RASEF: variants seen among roughly 807,000 people sequenced by gnomAD.
The protein encoded by RASEF is ras and EF-hand domain-containing protein.
A neutral mutation model predicts 90.1 loss-of-function variants in RASEF; 68 were observed. The observed-to-expected ratio is 0.75, with a 90% CI of 0.62 to 0.92. RASEF has a LOEUF of 0.92. Among genes scored for constraint, RASEF ranks in the 40% least tolerant of loss-of-function variants. RASEF has a pLI of 0.00. For missense variants in RASEF, 949 were observed against 937.2 expected (o/e 1.01, Z -0.16); for synonymous variants, 331 against 345.2 (o/e 0.96, Z 0.46).
rs574319668 is a variant in RASEF, at chr9:82,980,168, T to C, written c.*2509A>G. On this transcript the variant is annotated 3_prime_UTR_variant, in exon 17 of 17. Coordinates refer to ENST00000376447, the MANE Select transcript of RASEF (RefSeq NM_152573.4). ...GTATAACTATGATTTTAAAATATCT[T>C]AAAGAAAAACAGGGACAAGGTGAAT... 6.6e-6 allele frequency: 1 copy of C among 152,296 alleles called. No individual in the cohort carries two copies. Among genetic ancestry groups the C allele is most frequent in the African/African-American group, 2.4e-5 (1 of 41,576 alleles). The allele number at this position is 152,296 out of a possible 1,614,324, so 9.4% of individuals were successfully genotyped here.
At chr9:83,032,200 T>G (rs1026463842) in intron 1 of RASEF, among the ~76,000 whole-genome samples, 2 of 152,058 alleles carry the variant, frequency 1.3e-5, no homozygotes, top group African/African-American at 4.8e-5. Flanking sequence ...TCCTACCTTC[T>G]GACGTCAAAG....
chr9:83,135,335 C>A, the RASEF span, among the ~76,000 whole-genome samples: 1 of 151,512 alleles, frequency 6.6e-6, no homozygotes, highest in South Asian at 2.1e-4. Flanking sequence ...CAGCACACAC[C>A]GGGGCCTGTC....
the RASEF span, among the ~76,000 whole-genome samples, chr9:83,123,257 A>G: frequency 6.6e-6 from 1 of 150,444 alleles, no homozygotes; most frequent in Non-Finnish European, 1.5e-5. Flanking sequence ...AAAAAAAAAA[A>G]GCAGCCAAGA....
chr9:83,037,243 G>A (rs1829758442), intron 1 of RASEF, among the ~76,000 whole-genome samples: 1 of 151,954 alleles, frequency 6.6e-6, no homozygotes, highest in Non-Finnish European at 1.5e-5. Flanking sequence ...TATATTGCCT[G>A]CACTAGCAGA....
chr9:83,071,003 T>C, the RASEF span, among the ~76,000 whole-genome samples: 6 of 152,218 alleles, frequency 3.9e-5, no homozygotes, highest in Admixed American at 6.5e-5. Context: ...TTTTTAGTTG[T>C]GGTGGCTGTT....
At chr9:83,202,417 T>C in the RASEF span, among the ~76,000 whole-genome samples, 2 of 152,152 alleles carry the variant, frequency 1.3e-5, no homozygotes, top group African/African-American at 4.8e-5. Context: ...CACATTGTAA[T>C]GATAGAAAGC....
the RASEF span, among the ~76,000 whole-genome samples, chr9:83,121,674 C>T: frequency 3.5e-4 from 54 of 152,290 alleles, no homozygotes; most frequent in African/African-American, 1.3e-3. Context: ...CCTGCTCTGG[C>T]TCATGCTCCA....
chr9:83,193,778 C>T, the RASEF span, among the ~76,000 whole-genome samples: 23 of 152,108 alleles, frequency 1.5e-4, no homozygotes, highest in African/African-American at 5.5e-4. Context: ...GGGCAGGGAC[C>T]GAGGGATATA....
the RASEF span, among the ~76,000 whole-genome samples, chr9:83,203,411 G>A: frequency 2.0e-5 from 3 of 152,026 alleles, no homozygotes; most frequent in Admixed American, 2.0e-4. Flanking sequence ...AAACAGCTGG[G>A]ATTACAGGCA....
At chr9:83,115,300 G>A in the RASEF span, among the ~76,000 whole-genome samples, 2 of 152,080 alleles carry the variant, frequency 1.3e-5, no homozygotes, top group Non-Finnish European at 2.9e-5. Context: ...AATAAAATTT[G>A]TTACAAAAAC....
At chr9:83,048,855 G>A in intron 1 of RASEF, 1 of 753,240 alleles carries the variant, frequency 1.3e-6, no homozygotes, top group Non-Finnish European at 1.6e-6. Context: ...GAGGCTGTGT[G>A]CAGTGGCTCA....
chr9:83,072,185 C>T, the RASEF span, among the ~76,000 whole-genome samples: 2 of 152,164 alleles, frequency 1.3e-5, no homozygotes, highest in African/African-American at 4.8e-5. Flanking sequence ...TATCATTTGC[C>T]TGACCTTCCA....
At position 83,000,440 on chromosome 9, in the gene RASEF, G is replaced by T; in HGVS notation, c.1568C>A (p.Ser523Ter). ...SSSRKPISAL[S>*]PQTDLVDDNA... Reference sequence around the variant, plus strand: ...GTCTCGGAGACCACCTACCTGGGGCGAGAGTGCTGAGATGGGCTTTCTTGA... The same window carrying T: ...GTCTCGGAGACCACCTACCTGGGGCTAGAGTGCTGAGATGGGCTTTCTTGA... Residue 523 changes from serine (S) to a stop codon, truncating the protein, a stop_gained, in exon 11 of 17, where the codon TCG (serine) becomes TAG (stop). Coordinates refer to ENST00000376447, the MANE Select transcript of RASEF (RefSeq NM_152573.4). LOFTEE classifies it high-confidence loss of function. The T allele has an allele frequency of 6.2e-7, 1 of 1,613,848 alleles. No individual in the cohort carries two copies. The highest frequency in any genetic ancestry group is 1.1e-5 in the South Asian group (1 of 91,056).
At chr9:83,043,004 C>T (rs1829867707) in intron 1 of RASEF, among the ~76,000 whole-genome samples, 1 of 152,194 alleles carries the variant, frequency 6.6e-6, no homozygotes, top group Non-Finnish European at 1.5e-5. Flanking sequence ...TATCATTCTA[C>T]TACCTCCCGG....
the RASEF span, among the ~76,000 whole-genome samples, chr9:83,200,150 G>A: frequency 5.3e-5 from 8 of 152,150 alleles, no homozygotes; most frequent in Admixed American, 5.2e-4. Context: ...GGAGGCCAAG[G>A]CTGGTGTGTT....
chr9:83,063,564 G>C (rs1392089211), upstream of RASEF, among the ~76,000 whole-genome samples: 8 of 152,162 alleles, frequency 5.3e-5, no homozygotes. Context: ...ACTGGCTTTC[G>C]TTAACGCATT....
chr9:83,144,450 A>AAGAGAAG, the RASEF span, among the ~76,000 whole-genome samples: 4 of 146,712 alleles, frequency 2.7e-5, no homozygotes, highest in African/African-American at 1.0e-4. Flanking sequence ...GAAAAAAGAA[A>AAGAGAAG]AGAAAAGAGA....
chr9:83,218,476 C>G, the RASEF span, among the ~76,000 whole-genome samples: 2 of 151,990 alleles, frequency 1.3e-5, no homozygotes, highest in African/African-American at 4.8e-5. Context: ...ATCCAGGGTC[C>G]TAGGACTCCA....
chr9:83,003,949 G>C lies in RASEF; in HGVS notation c.1202+549C>G, dbSNP rs540882137. Among the ~76,000 whole-genome samples the C allele has an allele frequency of 1.1e-4, 16 of 152,134 alleles. No homozygotes were observed. The South Asian group carries it at 1.9e-3, about 18-fold the overall frequency. On this transcript the variant is annotated intron_variant, in intron 9 of 16. Coordinates refer to ENST00000376447, the MANE Select transcript of RASEF (RefSeq NM_152573.4). Reference sequence around the variant, plus strand: ...ATTACTAGGTCTCAAGTAATAAAAGGCCTAATATTTCAGTTCATTTGATTA... The same window carrying C: ...ATTACTAGGTCTCAAGTAATAAAAGCCCTAATATTTCAGTTCATTTGATTA...
Sources: gnomAD v4.1 joint callset for allele counts (sites outside exome capture counted in the v4.1 genomes callset) on GRCh38, gnomAD v4.1.1 for gene constraint, MANE v1.5 for transcripts, NCBI Gene and HGNC (gene_info 2026-07-23, HGNC 2026-07-21) for gene names.